RASA1: variants seen among roughly 807,000 people sequenced by gnomAD.
RASA1 encodes ras GTPase-activating protein 1.
RASA1 carries 25 observed loss-of-function variants against 132.2 expected under a neutral mutation model. The ratio of observed to expected loss-of-function variants is 0.19; its 90% CI spans 0.14 to 0.26. The LOEUF is 0.26. RASA1 is among the 10% of genes least tolerant of loss of function. The pLI, the probability that RASA1 is intolerant of heterozygous loss-of-function variation, is 1.00. For synonymous variants in RASA1, 477 were observed against 449.9 expected, an observed-to-expected ratio of 1.06 and a Z score of -0.76; for missense variants, 964 against 1,299.2, an observed-to-expected ratio of 0.74 and a Z score of 3.97.
chr5:87,358,162 A>G (rs1759795371), intron 9 of RASA1, among the ~76,000 whole-genome samples: 1 of 152,172 alleles, frequency 6.6e-6, no homozygotes, highest in Admixed American at 6.5e-5. Context: ...GATGCTGGCA[A>G]AGGCTAAGAA....
chr5:87,338,501 T>TTATATATATATATATA (rs3069490), intron 5 of RASA1, among the ~76,000 whole-genome samples: 35 of 75,666 alleles, frequency 4.6e-4, no homozygotes, highest in African/African-American at 1.6e-3. Context: ...CCAGCTAATT[T>TTATATATATATATATA]TATATATATA....
At chr5:87,372,652 C>T (rs1446439752) in intron 13 of RASA1, among the ~76,000 whole-genome samples, 1 of 152,130 alleles carries the variant, frequency 6.6e-6, no homozygotes, top group Non-Finnish European at 1.5e-5. Context: ...ATGCCCTATA[C>T]TTTGAGATTT....
chr5:87,348,238 T>G (rs1759003493), intron 7 of RASA1, among the ~76,000 whole-genome samples: 1 of 152,066 alleles, frequency 6.6e-6, no homozygotes, highest in Non-Finnish European at 1.5e-5. Flanking sequence ...TTCTTTTTAC[T>G]GAACATGAAG....
chr5:87,270,928 G>T (rs997468175), intron 1 of RASA1, among the ~76,000 whole-genome samples: 27 of 152,150 alleles, frequency 1.8e-4, no homozygotes, highest in African/African-American at 6.3e-4. Context: ...GAGTCCCTGG[G>T]AGTATTCTGG....
At chr5:87,330,981 G>A (rs772653424) in intron 1 of RASA1, 103 of 1,431,606 alleles carry the variant, frequency 7.2e-5, no homozygotes, top group Non-Finnish European at 9.0e-5. Context: ...GTATAAGATC[G>A]AGGTAGTAAA....
At chr5:87,379,042 T>A (rs1761525572) in intron 18 of RASA1, among the ~76,000 whole-genome samples, 1 of 152,164 alleles carries the variant, frequency 6.6e-6, no homozygotes, top group Admixed American at 6.6e-5. Context: ...ACACACATAT[T>A]CTCTCATTTT....
At chr5:87,280,257 A>G (rs1029187075) in intron 1 of RASA1, among the ~76,000 whole-genome samples, 10 of 152,182 alleles carry the variant, frequency 6.6e-5, no homozygotes. Flanking sequence ...CCCTCAGTCC[A>G]GTCAAGCTGA....
intron 7 of RASA1, 55 bp downstream of exon 7, chr5:87,346,779 G>A: frequency 1.5e-6 from 2 of 1,328,984 alleles, no homozygotes; most frequent in Non-Finnish European, 2.2e-6. Context: ...ATAAAAAAGT[G>A]AACAAACCAT....
intron 9 of RASA1, among the ~76,000 whole-genome samples, chr5:87,357,470 G>A (rs1337830715): frequency 3.9e-5 from 6 of 152,004 alleles, no homozygotes; most frequent in Non-Finnish European, 5.9e-5. Flanking sequence ...TACTGAATTT[G>A]TACTTAGAAT....
intron 4 of RASA1, among the ~76,000 whole-genome samples, 157 bp downstream of exon 4, chr5:87,333,494 G>T (rs944562017): frequency 6.6e-6 from 1 of 152,140 alleles, no homozygotes; most frequent in Non-Finnish European, 1.5e-5. Context: ...GTATCTCTGG[G>T]TTGGCTTATT....
At chr5:87,289,962 T>A (rs1754845079) in intron 1 of RASA1, among the ~76,000 whole-genome samples, 1 of 152,014 alleles carries the variant, frequency 6.6e-6, no homozygotes, top group Non-Finnish European at 1.5e-5. Context: ...TCTATATTAG[T>A]CACTTTCGAG....
chr5:87,370,838 C>T (rs1413354556), intron 12 of RASA1, among the ~76,000 whole-genome samples: 1 of 152,140 alleles, frequency 6.6e-6, no homozygotes, highest in Non-Finnish European at 1.5e-5. Flanking sequence ...GGAAGATGCT[C>T]TTAAAACTAG....
intron 1 of RASA1, among the ~76,000 whole-genome samples, chr5:87,273,966 G>A (rs566900933): frequency 1.3e-5 from 2 of 152,240 alleles, no homozygotes; most frequent in South Asian, 4.1e-4. Context: ...CCAAAGTGCT[G>A]GGATTACAGG....
chr5:87,389,326 T>C (rs1168391266), intron 23 of RASA1, 67 bp from the exon 24 acceptor site: 7 of 1,590,358 alleles, frequency 4.4e-6, no homozygotes, highest in Non-Finnish European at 6.0e-6. Context: ...AGCGAAACTC[T>C]GTCTCAAAAA....
At chr5:87,274,782 T>G (rs1309328542) in intron 1 of RASA1, among the ~76,000 whole-genome samples, 1 of 152,204 alleles carries the variant, frequency 6.6e-6, no homozygotes, top group Non-Finnish European at 1.5e-5. Flanking sequence ...TCCTGCTACT[T>G]AATTTATTTT....
intron 1 of RASA1, among the ~76,000 whole-genome samples, chr5:87,316,735 A>G (rs1465535994): frequency 1.3e-5 from 2 of 152,208 alleles, no homozygotes; most frequent in Non-Finnish European, 1.5e-5. Context: ...TCTCACAATT[A>G]TAGATACAAA....
intron 7 of RASA1, 50 bp from the exon 8 acceptor site, chr5:87,349,164 T>C (rs753127700): frequency 6.3e-7 from 1 of 1,592,754 alleles, no homozygotes; most frequent in East Asian, 2.2e-5. Flanking sequence ...TTAACATCTT[T>C]TCTTTTTTAT....
chr5:87,285,150 C>G (rs564016589), intron 1 of RASA1, among the ~76,000 whole-genome samples: 1 of 150,042 alleles, frequency 6.7e-6, no homozygotes, highest in East Asian at 2.0e-4. Context: ...TCACTGCAAC[C>G]TCCACTTCCC....
At chr5:87,343,360 C>A (rs559209877) in intron 6 of RASA1, among the ~76,000 whole-genome samples, 1 of 152,276 alleles carries the variant, frequency 6.6e-6, no homozygotes, top group East Asian at 1.9e-4. Context: ...CCAAGTTGAT[C>A]TCCCTTGACT....
Sources: gnomAD v4.1 joint callset for allele counts (sites outside exome capture counted in the v4.1 genomes callset) on GRCh38, gnomAD v4.1.1 for gene constraint, MANE v1.5 for transcripts, NCBI Gene and HGNC (gene_info 2026-07-23, HGNC 2026-07-21) for gene names.